Variants in SNCB observed in about 807,000 individuals in gnomAD.
The protein encoded by SNCB is synuclein beta.
Under a neutral mutation model 20.0 loss-of-function variants are expected in SNCB, and 8 were observed. The observed-to-expected ratio is 0.40, with a 90% confidence interval of 0.24 to 0.72. The LOEUF (loss-of-function observed/expected upper bound fraction) is 0.72, where lower values mean the gene tolerates loss of function less well. SNCB is among the 30% of genes least tolerant of loss of function. SNCB has a pLI of 0.37. For missense variants in SNCB, 125 were observed against 168.0 expected, an observed-to-expected ratio of 0.74 and a Z score of 1.41; for synonymous variants, 56 against 65.4, an observed-to-expected ratio of 0.86 and a Z score of 0.69.
At chr5:176,622,145 C>T (rs1422886631) in intron 4 of SNCB, among the ~76,000 whole-genome samples, 4 of 152,236 alleles carry the variant, frequency 2.6e-5, no homozygotes, top group African/African-American at 7.2e-5. Context: ...ATCCAGGCAG[C>T]GTCAGCTCCT....
Position 176,626,774 on chromosome 5 carries a change from A to G in SNCB, c.122-13T>C, listed in dbSNP as rs1340768242. ...CGGGTCTTGCTTCCTGCAGGGAGAA[A>G]AAGCGGCACATTTAAGGACTCTGCG... is the stretch of plus-strand genomic sequence containing the variant. On this transcript the variant is annotated splice_polypyrimidine_tract_variant and intron_variant, in intron 2 of 5. Coordinates refer to ENST00000393693, the MANE Select transcript of SNCB (RefSeq NM_003085.5). The surrounding 1 kb of genome is among the most constrained non-coding windows in gnomAD (Gnocchi z 4.2). The G allele has an allele frequency of 8.7e-6, 14 of 1,614,126 alleles. No homozygotes were observed. Among genetic ancestry groups the G allele is most frequent in the African/African-American group, 1.3e-5 (1 of 75,020 alleles).
chr5:176,622,242 G>A (rs984783483), intron 4 of SNCB, among the ~76,000 whole-genome samples: 15 of 152,226 alleles, frequency 9.9e-5, no homozygotes, highest in African/African-American at 2.9e-4. Context: ...AGATGCGTAT[G>A]CCAAGGCCCA....
Position 176,626,573 on chromosome 5 carries a change from C to T in SNCB, c.164-57G>A, listed in dbSNP as rs1759960010. ...TGGGAGCCAGGGGGAAACACCGATG[C>T]CCTGCCTTGTAGTATCCCAGGGCCT... On this transcript the variant is annotated intron_variant, in intron 3 of 5. Coordinates refer to ENST00000393693, the MANE Select transcript of SNCB (RefSeq NM_003085.5). This position sits in a 1 kb window ranked among gnomAD's most constrained non-coding sequence, Gnocchi z 4.2. 6.6e-7 allele frequency: 1 copy of T among 1,525,084 alleles called. No homozygotes were observed. Among genetic ancestry groups the T allele is most frequent in the Admixed American group, 1.7e-5 (1 of 59,862 alleles). The allele number at this position is 1,525,084 out of a possible 1,614,324, so 94.5% of individuals were successfully genotyped here. A position where few individuals can be genotyped will look rare whatever the true frequency, so the allele number is the denominator to read the frequency against.
Position 176,629,944 on chromosome 5 carries a change from G to C in SNCB, c.-9-281C>G. 1 of 392,884 alleles carries C rather than the reference G, an allele frequency of 2.5e-6. No homozygotes were observed. Among genetic ancestry groups the C allele is most frequent in the Middle Eastern group, 7.3e-4 (1 of 1,378 alleles). 24.3% of individuals were successfully genotyped at this position (392,884 alleles called of 1,614,324 possible). ...CCCGTCGAACCGGAGTGCTGGGTTC[G>C]GCGCGAATATCCAGGACCCGCCTGT... On this transcript the variant is annotated intron_variant, in intron 1 of 5. Transcript: ENST00000393693. The surrounding 1 kb of genome is among the most constrained non-coding windows in gnomAD (Gnocchi z 4.1).
intron 4 of SNCB, among the ~76,000 whole-genome samples, chr5:176,622,520 A>AACAAAACAAT (rs1179049672): frequency 6.6e-6 from 1 of 151,308 alleles, no homozygotes; most frequent in Non-Finnish European, 1.5e-5. Flanking sequence ...AACAAAACAA[A>AACAAAACAAT]ACAAGCCAGC....
chr5:176,620,920 G>T lies in SNCB; in HGVS notation c.373-77C>A. 7.7e-7 allele frequency: 1 copy of T among 1,291,466 alleles called. No homozygotes were observed. The highest frequency in any genetic ancestry group is 1.1e-6 in the Non-Finnish European group (1 of 886,044). 80.0% of individuals were successfully genotyped at this position (1,291,466 alleles called of 1,614,324 possible). A position where few individuals can be genotyped will look rare whatever the true frequency, so the allele number is the denominator to read the frequency against. The stretch of plus-strand genomic sequence containing the variant: ...TTTGAGACCAAGTGGCCAAGCCCCG[G>T]CCCAAGAACCCTCTCCCTGAAGGAG... On this transcript the variant is annotated intron_variant, in intron 5 of 5. Coordinates refer to ENST00000393693, the MANE Select transcript of SNCB (RefSeq NM_003085.5). The surrounding 1 kb of genome is among the most constrained non-coding windows in gnomAD (Gnocchi z 4.5).
At chr5:176,627,838 G>A (rs1387328665) in intron 2 of SNCB, among the ~76,000 whole-genome samples, 1 of 152,266 alleles carries the variant, frequency 6.6e-6, no homozygotes, top group African/African-American at 2.4e-5. Flanking sequence ...AAGTGGGTAA[G>A]AGAAGAACAG....
intron 4 of SNCB, among the ~76,000 whole-genome samples, chr5:176,623,535 C>T (rs1369641881): frequency 6.6e-6 from 1 of 152,084 alleles, no homozygotes; most frequent in African/African-American, 2.4e-5. Flanking sequence ...AGTGAGTGCC[C>T]CAGACACCTC....
At chr5:176,628,520 C>A (rs1760117567) in intron 2 of SNCB, among the ~76,000 whole-genome samples, 1 of 152,164 alleles carries the variant, frequency 6.6e-6, no homozygotes, top group African/African-American at 2.4e-5. Context: ...CAACGTTTTG[C>A]CCTGGCCTGC....
At position 176,621,271 on chromosome 5, in the gene SNCB, T is replaced by C. The variant is rs1307852802; in HGVS notation, c.315A>G (p.Glu105=). Residue 105 remains glutamate (E), a synonymous_variant, in exon 5 of 6, where the codon GAA becomes GAG. Transcript: ENST00000393693. This position sits in a 1 kb window ranked among gnomAD's most constrained non-coding sequence, Gnocchi z 4.1. ...PEEVAQEAAE[E]PLIEPLMEPE... is the part of the protein sequence containing the mutation. ...GCTCCATCAGGGGCTCAATCAGTGG[T>C]TCTTCAGCAGCTTCCTGGGCCACTT... 1.2e-6 allele frequency: 2 copies of C among 1,613,816 alleles called. No homozygotes were observed. The highest frequency in any genetic ancestry group is 2.7e-5 in the African/African-American group (2 of 75,008).
chr5:176,626,008 C>A lies in SNCB; in HGVS notation c.282+390G>T, dbSNP rs537276299. On this transcript the variant is annotated intron_variant, in intron 4 of 5. Coordinates refer to ENST00000393693, the MANE Select transcript of SNCB (RefSeq NM_003085.5). The surrounding 1 kb of genome is among the most constrained non-coding windows in gnomAD (Gnocchi z 4.2). ...CCCACTACAATGTCAGCTGCAGGAA[C>A]GTAGGAACCTATTCACTGCGGCAGC... Among the ~76,000 whole-genome samples the A allele has an allele frequency of 5.8e-4, 88 of 152,296 alleles. No homozygotes were observed. The highest frequency in any genetic ancestry group is 2.1e-3 in the African/African-American group (86 of 41,558).
Position 176,620,807 on chromosome 5 carries a change from G to T in SNCB, c.*4C>A. On this transcript the variant is annotated 3_prime_UTR_variant, in exon 6 of 6. Coordinates refer to ENST00000393693, the MANE Select transcript of SNCB (RefSeq NM_003085.5). This position sits in a 1 kb window ranked among gnomAD's most constrained non-coding sequence, Gnocchi z 4.5. ...GTGCTGCTGGTGGGGGCTCTCCTGG[G>T]CCCCTACGCCTCTGGCTCATACTCC... 6.2e-7 allele frequency: 1 copy of T among 1,612,810 alleles called. No homozygotes were observed. The highest frequency in any genetic ancestry group is 1.1e-5 in the South Asian group (1 of 91,062).
At chr5:176,625,064 G>A (rs531406901) in intron 4 of SNCB, among the ~76,000 whole-genome samples, 31 of 152,324 alleles carry the variant, frequency 2.0e-4, no homozygotes, top group East Asian at 3.9e-4. Context: ...GTCTGCACGC[G>A]TCCATGGACA....
In SNCB at chr5:176,623,217, T is replaced by C. The variant is rs564290268; in HGVS notation, c.283-1914A>G. On this transcript the variant is annotated intron_variant, in intron 4 of 5. Coordinates refer to ENST00000393693, the MANE Select transcript of SNCB (RefSeq NM_003085.5). ...AGCCTGGCCAACATGGTGAAACCCATCTCTACTAAATATACAAAAATTAGC... is the reference window on the plus strand; with the variant it reads ...AGCCTGGCCAACATGGTGAAACCCACCTCTACTAAATATACAAAAATTAGC... 9.7e-4 allele frequency among the ~76,000 whole-genome samples: 147 copies of C among 152,024 alleles called. 1 individual carries two copies. Among genetic ancestry groups the C allele is most frequent in the African/African-American group, 3.3e-3 (138 of 41,486 alleles).
rs1168672486 is a variant in SNCB at position 176,621,941 on chromosome 5, C to A, written c.283-638G>T. 6.6e-6 allele frequency among the ~76,000 whole-genome samples: 1 copy of A among 152,262 alleles called. No individual in the cohort carries two copies. Among genetic ancestry groups the A allele is most frequent in the East Asian group, 1.9e-4 (1 of 5,200 alleles). ...GGCTGCCAGACACATGGCCAGCCACCTGCAGGTGACCACATGTATGTGAAC... is the reference window on the plus strand; with the variant it reads ...GGCTGCCAGACACATGGCCAGCCACATGCAGGTGACCACATGTATGTGAAC... On this transcript the variant is annotated intron_variant, in intron 4 of 5. Transcript: ENST00000393693. The surrounding 1 kb of genome is among the most constrained non-coding windows in gnomAD (Gnocchi z 4.1).
At chr5:176,624,904 C>G (rs1759847864) in intron 4 of SNCB, among the ~76,000 whole-genome samples, 1 of 151,948 alleles carries the variant, frequency 6.6e-6, no homozygotes, top group Non-Finnish European at 1.5e-5. Flanking sequence ...ATCCTGACTT[C>G]CAACAGTGGA....
Position 176,621,231 on chromosome 5 carries a change from A to T in SNCB, c.355T>A (p.Tyr119Asn), listed in dbSNP as rs774563019. 3 of 1,613,124 alleles carry T rather than the reference A, an allele frequency of 1.9e-6. No homozygotes were observed. The African/African-American group carries it at 4.0e-5, about 22-fold the overall frequency. ...EPLMEPEGES[Y>N]EDPPQEEYQE... is the part of the protein sequence containing the mutation. Reference sequence around the variant, plus strand: ...CCCCTCACCTGGGGTGGGTCCTCATAACTCTCCCCTTCTGGCTCCATCAGG... The same window carrying T: ...CCCCTCACCTGGGGTGGGTCCTCATTACTCTCCCCTTCTGGCTCCATCAGG... The change falls in exon 5 of 6, where the codon TAT becomes AAT. Residue 119 changes from tyrosine to asparagine, a missense_variant. By Grantham distance (143) the Tyr-to-Asn change is moderately radical (BLOSUM62 -2). Transcript: ENST00000393693. The surrounding 1 kb of genome is among the most constrained non-coding windows in gnomAD (Gnocchi z 4.1).
chr5:176,629,830 T>A lies in SNCB; in HGVS notation c.-9-167A>T. ...CCACCCCACTCCCCAGTGCGAAGCC[T>A]CAGGGCCGCGGAGAGTCCTAGCGTC... On this transcript the variant is annotated intron_variant, in intron 1 of 5. Coordinates refer to ENST00000393693, the MANE Select transcript of SNCB (RefSeq NM_003085.5). This position sits in a 1 kb window ranked among gnomAD's most constrained non-coding sequence, Gnocchi z 4.1. The A allele has an allele frequency of 1.0e-6, 1 of 966,914 alleles. No individual in the cohort carries two copies. The highest frequency in any genetic ancestry group is 1.5e-6 in the Non-Finnish European group (1 of 681,230). The allele number at this position is 966,914 out of a possible 1,614,324, so 59.9% of individuals were successfully genotyped here.
At chr5:176,624,849 A>G (rs1759844484) in intron 4 of SNCB, among the ~76,000 whole-genome samples, 1 of 151,862 alleles carries the variant, frequency 6.6e-6, no homozygotes, top group African/African-American at 2.4e-5. Flanking sequence ...TCATACAGAT[A>G]GTAAAATGCA....
Sources: gnomAD v4.1 joint callset for allele counts (sites outside exome capture counted in the v4.1 genomes callset) on GRCh38, gnomAD v4.1.1 for gene constraint, Gnocchi (gnomAD v3.1) non-coding constraint, MANE v1.5 for transcripts, NCBI Gene and HGNC (gene_info 2026-07-23, HGNC 2026-07-21) for gene names.